The following VPS53 variants were observed in gnomAD, a reference collection of about 807,000 sequenced individuals.
VPS53 encodes the protein VPS53 subunit of GARP complex.
In VPS53, 70 loss-of-function variants were observed where a neutral mutation model predicts 107.0. The observed-to-expected ratio is 0.65, with a 90% CI of 0.54 to 0.80. The LOEUF is 0.80. Among genes scored for constraint, VPS53 ranks in the 30% least tolerant of loss-of-function variants. The pLI is 0.00. For missense variants in VPS53, 917 were observed against 1,049.4 expected (o/e 0.87, Z 1.74); for synonymous variants, 409 against 393.3 (o/e 1.04, Z -0.47).
At chr17:618,794 C>CT (rs1187856803) in intron 11 of VPS53, among the ~76,000 whole-genome samples, 1 of 149,878 alleles carries the variant, frequency 6.7e-6, no homozygotes, top group Non-Finnish European at 1.5e-5. Context: ...TACAGGCGCC[C>CT]ACCAGGCCTG....
intron 12 of VPS53, among the ~76,000 whole-genome samples, chr17:600,248 ATCTGAGTG>A (rs1288086102): frequency 6.6e-6 from 1 of 152,248 alleles, no homozygotes; most frequent in Non-Finnish European, 1.5e-5. Context: ...CACTGCAAGC[ATCTGAGTG>A]TTTAACTGCA....
chr17:653,992 G>A (rs1303476973), intron 6 of VPS53, among the ~76,000 whole-genome samples: 14 of 152,158 alleles, frequency 9.2e-5, no homozygotes, highest in African/African-American at 2.2e-4. Flanking sequence ...TCACGAGATC[G>A]AGATCATCCT....
intron 19 of VPS53, among the ~76,000 whole-genome samples, chr17:527,149 GC>G (rs1047695536): frequency 6.6e-6 from 1 of 152,218 alleles, no homozygotes; most frequent in African/African-American, 2.4e-5. Flanking sequence ...GGAAGACAGA[GC>G]ACACTTCTGG....
intron 7 of VPS53, among the ~76,000 whole-genome samples, chr17:639,281 G>T (rs767093294): frequency 1.3e-5 from 2 of 152,122 alleles, no homozygotes. Context: ...GTCATTTAAG[G>T]ACTTCTCTAG....
In VPS53 at chr17:714,830, C is replaced by G. The variant is rs1287597262; in HGVS notation, c.-121G>C. ...GACCTGGTGAGCCCGGCTCCGTCAG[C>G]CGCTCTGTCAGCCGCTCCGGCACTT... On this transcript the variant is annotated 5_prime_UTR_variant, in exon 1 of 22. Transcript: ENST00000437048. 1.8e-6 allele frequency: 2 copies of G among 1,125,400 alleles called. No individual in the cohort carries two copies. Among genetic ancestry groups the G allele is most frequent in the East Asian group, 4.8e-5 (2 of 41,410 alleles). 69.7% of individuals were successfully genotyped at this position (1,125,400 alleles called of 1,614,324 possible). A position where few individuals can be genotyped will look rare whatever the true frequency, so the allele number is the denominator to read the frequency against.
At chr17:635,048 C>A (rs192752728) in intron 7 of VPS53, among the ~76,000 whole-genome samples, 1,586 of 152,290 alleles carry the variant, frequency 0.01, 31 homozygotes, top group African/African-American at 0.036. Context: ...CACATCCTCT[C>A]CAGCATCTGT....
chr17:599,441 T>G (rs1276995324), intron 12 of VPS53, among the ~76,000 whole-genome samples: 2 of 151,778 alleles, frequency 1.3e-5, no homozygotes, highest in African/African-American at 4.8e-5. Context: ...CCTGTTGATC[T>G]GTGACCTTAC....
rs1913091017 is a variant in VPS53 at position 562,357 on chromosome 17, A to G, written c.1556+146T>C. The stretch of plus-strand genomic sequence containing the variant: ...AGCTGTGGAATGTCAGAGAGGAAAT[A>G]GCTTCAGGCCCTCGGGAACTCAGGA... On this transcript the variant is annotated intron_variant, in intron 14 of 21. Coordinates refer to ENST00000437048, the MANE Select transcript of VPS53 (RefSeq NM_001128159.3). 8.1e-6 allele frequency: 9 copies of G among 1,107,720 alleles called. No individual in the cohort carries two copies. In the South Asian group the frequency reaches 1.4e-4, roughly 17 times the overall value. 68.6% of individuals were successfully genotyped at this position (1,107,720 alleles called of 1,614,324 possible).
chr17:671,473 T>C (rs969531856), intron 4 of VPS53, among the ~76,000 whole-genome samples: 2 of 152,192 alleles, frequency 1.3e-5, no homozygotes, highest in South Asian at 4.1e-4. Context: ...TGCCAGTTAC[T>C]GTGTGATTTC....
chr17:565,916 A>G (rs1913458108), intron 13 of VPS53, among the ~76,000 whole-genome samples: 1 of 152,218 alleles, frequency 6.6e-6, no homozygotes, highest in Non-Finnish European at 1.5e-5. Flanking sequence ...TATTCAAGAA[A>G]TAACCGGCCG....
At chr17:573,392 T>G (rs1206759146) in intron 13 of VPS53, among the ~76,000 whole-genome samples, 1 of 152,232 alleles carries the variant, frequency 6.6e-6, no homozygotes, top group Non-Finnish European at 1.5e-5. Flanking sequence ...GCCTCCTCCC[T>G]GAGTACTGGC....
At chr17:679,260 C>T (rs879778480) in intron 4 of VPS53, among the ~76,000 whole-genome samples, 3 of 151,806 alleles carry the variant, frequency 2.0e-5, no homozygotes, top group Non-Finnish European at 4.4e-5. Context: ...TCACACCTGT[C>T]ATCCCAGCAC....
chr17:701,668 G>A (rs978142206), intron 2 of VPS53, among the ~76,000 whole-genome samples: 5 of 151,766 alleles, frequency 3.3e-5, no homozygotes, highest in African/African-American at 7.3e-5. Flanking sequence ...GAGCCACCGC[G>A]CCTGGCCAAG....
intron 4 of VPS53, among the ~76,000 whole-genome samples, chr17:663,358 A>G (rs1971551770): frequency 6.6e-6 from 1 of 152,252 alleles, no homozygotes; most frequent in African/African-American, 2.4e-5. Flanking sequence ...TGGAGACCAG[A>G]AAGTTCCTGT....
chr17:674,940 T>C (rs838369), intron 4 of VPS53: 64,391 of 152,142 alleles, frequency 0.42, 15,352 homozygotes, highest in Non-Finnish European at 0.54. Context: ...TTTGTAAACA[T>C]GTGAATCGAG....
In VPS53 at chr17:541,945, C is replaced by G. The variant is rs938764464; in HGVS notation, c.1867-4769G>C. Among the ~76,000 whole-genome samples the G allele has an allele frequency of 1.3e-5, 2 of 148,572 alleles. 1 individual carries two copies. The highest frequency in any genetic ancestry group is 5.1e-5 in the African/African-American group (2 of 39,036). On this transcript the variant is annotated intron_variant, in intron 17 of 21. Transcript: ENST00000437048. Reference sequence around the variant, plus strand: ...TGAAGGAACGTTTATCAAGCACCTACTACGCACCAGGCGCTGAAGGAATGT... The same window carrying G: ...TGAAGGAACGTTTATCAAGCACCTAGTACGCACCAGGCGCTGAAGGAATGT...
At chr17:539,576 A>G (rs1332664100) in intron 17 of VPS53, among the ~76,000 whole-genome samples, 1 of 152,186 alleles carries the variant, frequency 6.6e-6, no homozygotes, top group Admixed American at 6.5e-5. Flanking sequence ...GCACACGCCT[A>G]TAGTCTCAGC....
intron 4 of VPS53, among the ~76,000 whole-genome samples, chr17:692,910 C>T (rs1437990270): frequency 2.0e-5 from 3 of 152,096 alleles, no homozygotes; most frequent in East Asian, 1.9e-4. Context: ...CCGAGGCGGG[C>T]GGACCATGAA....
intron 19 of VPS53, among the ~76,000 whole-genome samples, chr17:529,435 T>C (rs1246663209): frequency 1.3e-5 from 2 of 151,748 alleles, no homozygotes. Context: ...CCTGCTGGGA[T>C]TCTACTGTAT....
Sources: gnomAD v4.1 joint callset for allele counts (sites outside exome capture counted in the v4.1 genomes callset) on GRCh38, gnomAD v4.1.1 for gene constraint, MANE v1.5 for transcripts, NCBI Gene and HGNC (gene_info 2026-07-23, HGNC 2026-07-21) for gene names.